FGF12: variants seen among roughly 807,000 people sequenced by gnomAD.
FGF12 encodes the protein fibroblast growth factor 12B.
In FGF12, 14 loss-of-function variants were observed where a neutral mutation model predicts 23.6. The ratio of observed to expected loss-of-function variants is 0.59; its 90% confidence interval spans 0.39 to 0.93. The LOEUF is 0.93. Among genes scored for constraint, FGF12 ranks in the 40% least tolerant of loss-of-function variants. FGF12 has a pLI of 0.00. For missense variants in FGF12, 175 were observed against 217.8 expected, an observed-to-expected ratio of 0.80 and a Z score of 1.24; for synonymous variants, 62 against 77.3, an observed-to-expected ratio of 0.80 and a Z score of 1.04.
At chr3:192,449,491 C>T (rs1351068588) in intron 2 of FGF12, among the ~76,000 whole-genome samples, 1 of 152,144 alleles carries the variant, frequency 6.6e-6, no homozygotes, top group African/African-American at 2.4e-5. Context: ...CGGGTAAGCT[C>T]CTGTGCACCT....
intron 2 of FGF12, among the ~76,000 whole-genome samples, chr3:192,654,722 A>T (rs972293896): frequency 1.3e-5 from 2 of 152,168 alleles, no homozygotes; most frequent in Non-Finnish European, 2.9e-5. Context: ...CTTTCCCCAC[A>T]CCACCCTGCA....
intron 2 of FGF12, among the ~76,000 whole-genome samples, chr3:192,405,475 T>G (rs1230407860): frequency 1.3e-5 from 2 of 151,256 alleles, no homozygotes; most frequent in Non-Finnish European, 2.9e-5. Context: ...ATGGAACATG[T>G]GTCTCAGTGA....
intron 2 of FGF12, among the ~76,000 whole-genome samples, chr3:192,422,331 C>A (rs1370889659): frequency 6.6e-6 from 1 of 152,104 alleles, no homozygotes; most frequent in African/African-American, 2.4e-5. Flanking sequence ...TTGCTAAGGT[C>A]TCTTTCTACT....
intron 2 of FGF12, among the ~76,000 whole-genome samples, chr3:192,557,981 T>A (rs2108591810): frequency 6.6e-6 from 1 of 151,932 alleles, no homozygotes; most frequent in Middle Eastern, 3.4e-3. Context: ...TGGTAAAAAA[T>A]TGAACATGTT....
At chr3:192,233,916 T>A (rs1719151625) in intron 4 of FGF12, among the ~76,000 whole-genome samples, 1 of 152,180 alleles carries the variant, frequency 6.6e-6, no homozygotes, top group Non-Finnish European at 1.5e-5. Context: ...TTTGTACCAC[T>A]ACCATGCTGT....
intron 2 of FGF12, among the ~76,000 whole-genome samples, chr3:192,663,189 G>A (rs907850919): frequency 6.6e-6 from 1 of 152,208 alleles, no homozygotes; most frequent in Non-Finnish European, 1.5e-5. Flanking sequence ...TACTAATACA[G>A]TTTTATGTGG....
chr3:192,213,213 C>T (rs1355585418), intron 4 of FGF12, among the ~76,000 whole-genome samples: 1 of 152,198 alleles, frequency 6.6e-6, no homozygotes, highest in Non-Finnish European at 1.5e-5. Flanking sequence ...CAGCTGAAGG[C>T]GAAGGAGAGC....
intron 4 of FGF12, among the ~76,000 whole-genome samples, chr3:192,210,076 A>C (rs1717851112): frequency 2.0e-5 from 3 of 152,238 alleles, no homozygotes. Flanking sequence ...ACCATATATG[A>C]AACAATGATT....
intron 2 of FGF12, among the ~76,000 whole-genome samples, chr3:192,465,396 C>T (rs1722980496): frequency 6.6e-6 from 1 of 152,118 alleles, no homozygotes; most frequent in Non-Finnish European, 1.5e-5. Context: ...ATTTTTAAAA[C>T]CATATTGATA....
chr3:192,217,486 T>C (rs918584006), intron 4 of FGF12, among the ~76,000 whole-genome samples: 2 of 152,126 alleles, frequency 1.3e-5, no homozygotes, highest in African/African-American at 4.8e-5. Context: ...GTAAATGCTC[T>C]TTATTAGAGA....
intron 2 of FGF12, among the ~76,000 whole-genome samples, chr3:192,710,684 C>G (rs1181835921): frequency 1.3e-5 from 2 of 152,200 alleles, no homozygotes; most frequent in African/African-American, 4.8e-5. Context: ...GGTATTATAA[C>G]CTCAAATCCT....
intron 4 of FGF12, among the ~76,000 whole-genome samples, chr3:192,245,141 G>GC (rs1364089062): frequency 6.6e-6 from 1 of 152,114 alleles, no homozygotes; most frequent in East Asian, 1.9e-4. Context: ...TGTCATCCAG[G>GC]CTGGAGTGCA....
chr3:192,183,604 T>C (rs1047011375), intron 4 of FGF12, among the ~76,000 whole-genome samples: 3 of 152,236 alleles, frequency 2.0e-5, no homozygotes, highest in Non-Finnish European at 2.9e-5. Flanking sequence ...GTTTTGGATA[T>C]ACTACCATTT....
chr3:192,540,731 G>A (rs563961609), intron 2 of FGF12, among the ~76,000 whole-genome samples: 1 of 152,130 alleles, frequency 6.6e-6, no homozygotes, highest in East Asian at 1.9e-4. Flanking sequence ...ATGAAAGTGG[G>A]GTGTTGAAGT....
intron 2 of FGF12, among the ~76,000 whole-genome samples, chr3:192,364,497 A>G (rs1291931849): frequency 6.6e-6 from 1 of 152,236 alleles, no homozygotes; most frequent in Non-Finnish European, 1.5e-5. Flanking sequence ...GCACCCAGCT[A>G]GACCATATGT....
intron 2 of FGF12, among the ~76,000 whole-genome samples, chr3:192,540,124 C>T (rs1725328291): frequency 6.6e-6 from 1 of 151,754 alleles, no homozygotes; most frequent in South Asian, 2.1e-4. Flanking sequence ...TGTATTGTTT[C>T]TTAATTTCAC....
At chr3:192,255,765 G>A (rs979859036) in intron 4 of FGF12, among the ~76,000 whole-genome samples, 4 of 151,974 alleles carry the variant, frequency 2.6e-5, no homozygotes, top group Non-Finnish European at 5.9e-5. Flanking sequence ...AAAGAAATAT[G>A]TTACATTTAC....
intron 2 of FGF12, among the ~76,000 whole-genome samples, chr3:192,694,240 T>C (rs1348139876): frequency 6.6e-6 from 1 of 152,032 alleles, no homozygotes; most frequent in East Asian, 1.9e-4. Context: ...GGACAAGACA[T>C]AAAAAATGTT....
intron 4 of FGF12, among the ~76,000 whole-genome samples, chr3:192,291,872 G>A (rs898140443): frequency 1.2e-4 from 18 of 152,022 alleles, no homozygotes; most frequent in Non-Finnish European, 2.5e-4. Context: ...TAACTAAAAG[G>A]AAAAAAGAAC....
Sources: gnomAD v4.1 joint callset for allele counts (sites outside exome capture counted in the v4.1 genomes callset) on GRCh38, gnomAD v4.1.1 for gene constraint, MANE v1.5 for transcripts, NCBI Gene and HGNC (gene_info 2026-07-23, HGNC 2026-07-21) for gene names.